OR2A12: variants seen among roughly 807,000 people sequenced by gnomAD.
OR2A12 encodes olfactory receptor family 2 subfamily A member 12.
For synonymous variants in OR2A12, 153 were observed against 149.3 expected, an observed-to-expected ratio of 1.02 and a Z score of -0.18; for missense variants, 380 against 372.5, an observed-to-expected ratio of 1.02 and a Z score of -0.17.
chr7:144,091,092 C>T (rs545589215), intron 1 of OR2A12, among the ~76,000 whole-genome samples: 1 of 152,262 alleles, frequency 6.6e-6, no homozygotes, highest in South Asian at 2.1e-4. Flanking sequence ...GTTTTTAGTT[C>T]TTTAAGAAAT....
chr7:144,091,353 T>C (rs935099446), intron 1 of OR2A12, among the ~76,000 whole-genome samples: 2 of 152,218 alleles, frequency 1.3e-5, no homozygotes, highest in African/African-American at 2.4e-5. Context: ...ATTGTGCCAT[T>C]GCACTCCAGT....
chr7:144,088,227 G>T (rs2051200613), intron 1 of OR2A12, among the ~76,000 whole-genome samples: 1 of 152,200 alleles, frequency 6.6e-6, no homozygotes, highest in Non-Finnish European at 1.5e-5. Flanking sequence ...GGCCAGGCTG[G>T]TCTCGAACTC....
At position 144,088,752 on chromosome 7, in the gene OR2A12, T is replaced by C. The variant is rs188025231; in HGVS notation, c.-52+2209T>C. ...GTTCATTGATTGAGTTTAAAATTTT[T>C]CTACAAACAAAATCATGGTGGTGTA... is the stretch of plus-strand genomic sequence containing the variant. On this transcript the variant is annotated intron_variant, in intron 1 of 1. Transcript: ENST00000641592. Among the ~76,000 whole-genome samples, 381 of 152,344 alleles carry C rather than the reference T, an allele frequency of 2.5e-3. 1 individual carries two copies. Among genetic ancestry groups the C allele is most frequent in the African/African-American group, 8.4e-3 (350 of 41,584 alleles).
At position 144,096,229 on chromosome 7, in the gene OR2A12, C is replaced by A. The variant is rs1047357969; in HGVS notation, c.*189C>A. On this transcript the variant is annotated 3_prime_UTR_variant, in exon 2 of 2. Transcript: ENST00000641592. ...CAACACTTTGGGAGGCTGACCTGGG[C>A]GGATTACCTGAGGTCAGGAGTTCGA... 1.5e-5 allele frequency: 7 copies of A among 480,780 alleles called. No individual in the cohort carries two copies. The highest frequency in any genetic ancestry group is 3.9e-5 in the African/African-American group (2 of 51,064). The allele number at this position is 480,780 out of a possible 1,614,324, so 29.8% of individuals were successfully genotyped here. A position where few individuals can be genotyped will look rare whatever the true frequency, so the allele number is the denominator to read the frequency against.
rs1341022010 is a variant in OR2A12, at chr7:144,095,702, T to C, written c.595T>C (p.Phe199Leu). ...CACTAGGCTCAACCAGGTGGTCCTA[T>C]TTGCGGGTTCTGCGTTCATCTTAGT... The part of the protein sequence containing the change: ...ADTRLNQVVL[F>L]AGSAFILVGP... Residue 199 changes from phenylalanine (F) to leucine (L), a missense_variant, in exon 2 of 2, where the codon TTT becomes CTT. Physicochemically the swap from Phe to Leu is conservative, Grantham distance 22. Coordinates refer to ENST00000641592, the MANE Select transcript of OR2A12 (RefSeq NM_001004135.2). 1 of 1,614,146 alleles carries C rather than the reference T, an allele frequency of 6.2e-7. No individual in the cohort carries two copies. Among genetic ancestry groups the C allele is most frequent in the Admixed American group, 1.7e-5 (1 of 60,028 alleles).
At chr7:144,087,696 T>C (rs1221731152) in intron 1 of OR2A12, among the ~76,000 whole-genome samples, 1 of 152,212 alleles carries the variant, frequency 6.6e-6, no homozygotes, top group Non-Finnish European at 1.5e-5. Flanking sequence ...TCTTACAATT[T>C]AAAAATGGAA....
intron 1 of OR2A12, among the ~76,000 whole-genome samples, chr7:144,086,986 G>A (rs1460930616): frequency 6.6e-6 from 1 of 152,120 alleles, no homozygotes; most frequent in Non-Finnish European, 1.5e-5. Flanking sequence ...TTTCAGACTT[G>A]CCTTTGTCCC....
In OR2A12 at chr7:144,097,796, T is replaced by A. The variant is rs1438464195; in HGVS notation, c.*1756T>A. Reference sequence around the variant, plus strand: ...TGGTGTTGGGACAACCAAGTCTTTATAAAGATATTCAAATCATGCAGAAAA... The same window carrying A: ...TGGTGTTGGGACAACCAAGTCTTTAAAAAGATATTCAAATCATGCAGAAAA... On this transcript the variant is annotated 3_prime_UTR_variant, in exon 2 of 2. Transcript: ENST00000641592. 6.6e-6 allele frequency: 1 copy of A among 152,192 alleles called. No homozygotes were observed. Among genetic ancestry groups the A allele is most frequent in the East Asian group, 1.9e-4 (1 of 5,202 alleles). 9.4% of individuals were successfully genotyped at this position (152,192 alleles called of 1,614,324 possible).
At chr7:144,091,870 A>C (rs2051229973) in intron 1 of OR2A12, among the ~76,000 whole-genome samples, 1 of 151,966 alleles carries the variant, frequency 6.6e-6, no homozygotes, top group Non-Finnish European at 1.5e-5. Flanking sequence ...CCCATTTGTC[A>C]ATTTTTGCTT....
rs1296972217 is a variant in OR2A12, at chr7:144,097,917, T to A, written c.*1877T>A. The A allele has an allele frequency of 6.6e-6, 1 of 152,188 alleles. No homozygotes were observed. Among genetic ancestry groups the A allele is most frequent in the Non-Finnish European group, 1.5e-5 (1 of 68,026 alleles). The allele number at this position is 152,188 out of a possible 1,614,324, so 9.4% of individuals were successfully genotyped here. A position where few individuals can be genotyped will look rare whatever the true frequency, so the allele number is the denominator to read the frequency against. On this transcript the variant is annotated 3_prime_UTR_variant, in exon 2 of 2. Coordinates refer to ENST00000641592, the MANE Select transcript of OR2A12 (RefSeq NM_001004135.2). ...AGAAGGATTTTTTAAACAATACACA[T>A]AATTGCTATTGTGAAATAATATCTG...
At chr7:144,089,341 C>T (rs1369449000) in intron 1 of OR2A12, among the ~76,000 whole-genome samples, 3 of 150,106 alleles carry the variant, frequency 2.0e-5, no homozygotes, top group Admixed American at 6.7e-5. Context: ...CGCGTGTGTG[C>T]GTGTGCGTCT....
rs1342906222 is a variant in OR2A12 at position 144,098,600 on chromosome 7, C to T, written c.*2560C>T. On this transcript the variant is annotated 3_prime_UTR_variant, in exon 2 of 2. Coordinates refer to ENST00000641592, the MANE Select transcript of OR2A12 (RefSeq NM_001004135.2). ...GAGTTTAAAAAAATAGGTTCTCTGGCTCCAGAGCTGGTATTCTTTTATTGT... is the reference window on the plus strand; with the variant it reads ...GAGTTTAAAAAAATAGGTTCTCTGGTTCCAGAGCTGGTATTCTTTTATTGT... 1 of 152,174 alleles carries T rather than the reference C, an allele frequency of 6.6e-6. No homozygotes were observed. The highest frequency in any genetic ancestry group is 2.4e-5 in the African/African-American group (1 of 41,430). 9.4% of individuals were successfully genotyped at this position (152,174 alleles called of 1,614,324 possible).
At chr7:144,091,302 A>G (rs767735881) in intron 1 of OR2A12, among the ~76,000 whole-genome samples, 1 of 152,254 alleles carries the variant, frequency 6.6e-6, no homozygotes, top group Non-Finnish European at 1.5e-5. Context: ...GAGGCAAGAG[A>G]ATCGCTTGAA....
At chr7:144,092,723 T>A (rs1586900768) in intron 1 of OR2A12, among the ~76,000 whole-genome samples, 1 of 152,144 alleles carries the variant, frequency 6.6e-6, no homozygotes, top group African/African-American at 2.4e-5. Flanking sequence ...AATTAAGGAA[T>A]TTTTTTTCTA....
chr7:144,089,441 C>A (rs2128802298), intron 1 of OR2A12, among the ~76,000 whole-genome samples: 1 of 152,048 alleles, frequency 6.6e-6, no homozygotes, highest in Admixed American at 6.6e-5. Context: ...ACTCGATTTT[C>A]TGTTTTCAAC....
At chr7:144,094,931 A>T (rs1308097813) in intron 1 of OR2A12, 126 bp from the exon 2 acceptor site, 8 of 507,838 alleles carry the variant, frequency 1.6e-5, no homozygotes, top group African/African-American at 1.3e-4. Flanking sequence ...AAATATCTCT[A>T]AAAGCCAAAT....
At chr7:144,090,486 G>A (rs767282144) in intron 1 of OR2A12, among the ~76,000 whole-genome samples, 4 of 151,934 alleles carry the variant, frequency 2.6e-5, no homozygotes, top group Non-Finnish European at 5.9e-5. Flanking sequence ...ATTTTAAACC[G>A]ATGTCAGTCA....
At chr7:144,092,486 T>C (rs1207934922) in intron 1 of OR2A12, among the ~76,000 whole-genome samples, 1 of 152,202 alleles carries the variant, frequency 6.6e-6, no homozygotes, top group Non-Finnish European at 1.5e-5. Context: ...TGTTTTTCCA[T>C]TTATTTGTGT....
At position 144,096,198 on chromosome 7, in the gene OR2A12, T is replaced by A; in HGVS notation, c.*158T>A. On this transcript the variant is annotated 3_prime_UTR_variant, in exon 2 of 2. Transcript: ENST00000641592. ...GGCCTGGCGTGGTGGCTGAAGCCTG[T>A]AATCCCAACACTTTGGGAGGCTGAC... 1 of 588,252 alleles carries A rather than the reference T, an allele frequency of 1.7e-6. No homozygotes were observed. The highest frequency in any genetic ancestry group is 2.9e-6 in the Non-Finnish European group (1 of 345,196). 36.4% of individuals were successfully genotyped at this position (588,252 alleles called of 1,614,324 possible).
Sources: allele counts gnomAD v4.1 joint callset (sites outside exome capture counted in the v4.1 genomes callset), GRCh38; gene constraint gnomAD v4.1.1; transcripts MANE v1.5; gene names NCBI Gene and HGNC (gene_info 2026-07-23, HGNC 2026-07-21).